RHPN2: variants seen among roughly 807,000 people sequenced by gnomAD.
The protein encoded by RHPN2 is rhophilin-2.
Under a neutral mutation model 79.0 loss-of-function variants are expected in RHPN2, and 40 were observed. That is an observed-to-expected ratio of 0.51 (90% CI 0.39 to 0.66). The LOEUF (loss-of-function observed/expected upper bound fraction) is 0.66. Among genes scored for constraint, RHPN2 ranks in the 30% least tolerant of loss-of-function variants. The pLI is 0.00. For synonymous variants in RHPN2, 285 were observed against 363.5 expected (o/e 0.78, Z 2.46); for missense variants, 686 against 883.5 (o/e 0.78, Z 2.83).
chr19:33,013,149 T>A (rs1325071233), intron 4 of RHPN2, among the ~76,000 whole-genome samples: 1 of 150,402 alleles, frequency 6.6e-6, no homozygotes, highest in African/African-American at 2.5e-5. Flanking sequence ...GTGCTGGGAT[T>A]ACAGATGTCA....
At chr19:33,046,849 A>C (rs1267352821) in intron 1 of RHPN2, among the ~76,000 whole-genome samples, 1 of 150,330 alleles carries the variant, frequency 6.7e-6, no homozygotes, top group Admixed American at 6.6e-5. Context: ...ATCAATTCAG[A>C]TCCTTTGCCC....
chr19:33,000,365 C>T (rs1971739554), intron 9 of RHPN2, among the ~76,000 whole-genome samples: 1 of 151,900 alleles, frequency 6.6e-6, no homozygotes, highest in Admixed American at 6.6e-5. Context: ...GGATTACAGG[C>T]ACATGCCACC....
chr19:33,018,350 A>T (rs1971895108), intron 4 of RHPN2, among the ~76,000 whole-genome samples: 1 of 151,686 alleles, frequency 6.6e-6, no homozygotes, highest in African/African-American at 2.4e-5. Flanking sequence ...AGAGAGAGAG[A>T]GAGAGACAAG....
chr19:33,005,023 C>T (rs62127399), intron 7 of RHPN2, among the ~76,000 whole-genome samples: 1 of 150,910 alleles, frequency 6.6e-6, no homozygotes, highest in Non-Finnish European at 1.5e-5. Context: ...TGCAAGCAGA[C>T]GGCAGGCAGA....
chr19:33,058,705 G>A (rs1000061065), intron 1 of RHPN2, among the ~76,000 whole-genome samples: 4 of 152,114 alleles, frequency 2.6e-5, no homozygotes, highest in African/African-American at 9.7e-5. Context: ...ACTTGAACCC[G>A]GGAGGCGGAG....
intron 6 of RHPN2, among the ~76,000 whole-genome samples, chr19:33,009,252 GACTCTGGGTGA>G (rs1421733229): frequency 6.6e-6 from 1 of 151,810 alleles, no homozygotes. Context: ...GGAAACTATG[GACTCTGGGTGA>G]TAATGATGTG....
intron 14 of RHPN2, among the ~76,000 whole-genome samples, chr19:32,987,483 G>A (rs1174240168): frequency 6.6e-6 from 1 of 152,098 alleles, no homozygotes; most frequent in Non-Finnish European, 1.5e-5. Context: ...CAGCTAAGGC[G>A]ACCTCATTCT....
chr19:33,048,155 A>C (rs73585910), intron 1 of RHPN2, among the ~76,000 whole-genome samples: 1 of 151,522 alleles, frequency 6.6e-6, no homozygotes, highest in Admixed American at 6.6e-5. Context: ...TCCTGGGTTC[A>C]AGTGATTATC....
intron 2 of RHPN2, among the ~76,000 whole-genome samples, chr19:33,032,653 C>A (rs987734890): frequency 6.6e-6 from 1 of 152,208 alleles, no homozygotes; most frequent in African/African-American, 2.4e-5. Context: ...AGGTCACAAT[C>A]TGCAGCTTGT....
At chr19:33,029,721 T>G in intron 2 of RHPN2, among the ~76,000 whole-genome samples, 1 of 151,966 alleles carries the variant, frequency 6.6e-6, no homozygotes, top group East Asian at 1.9e-4. Context: ...CCAAGTTCAG[T>G]GTTAATCTAG....
At chr19:33,011,831 T>C (rs1971837940) in intron 5 of RHPN2, 28 bp from the exon 6 acceptor site, 1 of 1,613,842 alleles carries the variant, frequency 6.2e-7, no homozygotes. Context: ...CAAGAGGGCA[T>C]GAGCAGAGGA....
intron 9 of RHPN2, among the ~76,000 whole-genome samples, chr19:33,001,373 T>TA (rs1971747603): frequency 6.6e-6 from 1 of 151,544 alleles, no homozygotes; most frequent in African/African-American, 2.4e-5. Flanking sequence ...TCCATCTCTA[T>TA]AAAAAAAAAA....
At chr19:33,026,671 G>C (rs1202856517) in intron 2 of RHPN2, 39 bp from the exon 3 acceptor site, 1 of 1,593,798 alleles carries the variant, frequency 6.3e-7, no homozygotes, top group Admixed American at 1.7e-5. Context: ...CCCTCAGCCA[G>C]GTATCCTGGC....
chr19:33,047,399 G>GCTAA, intron 1 of RHPN2, among the ~76,000 whole-genome samples: 1 of 152,194 alleles, frequency 6.6e-6, no homozygotes, highest in South Asian at 2.1e-4. Context: ...AACGCTTCAC[G>GCTAA]CTAAAAGTTT....
rs184839559 is a variant in RHPN2 at position 33,055,410 on chromosome 19, G to A, written c.69+9374C>T. Among the ~76,000 whole-genome samples, 1,154 of 151,684 alleles carry A rather than the reference G, an allele frequency of 7.6e-3. 13 individuals carry two copies. The highest frequency in any genetic ancestry group is 0.027 in the African/African-American group (1,110 of 41,414). The stretch of plus-strand genomic sequence containing the variant: ...AGACCATCATGGGGAATCAGGAGTG[G>A]GGTCAGCATCACCAACCTTTACTCT... On this transcript the variant is annotated intron_variant, in intron 1 of 14. Coordinates refer to ENST00000254260, the MANE Select transcript of RHPN2 (RefSeq NM_033103.5).
intron 7 of RHPN2, among the ~76,000 whole-genome samples, chr19:33,003,436 T>C (rs1322998055): frequency 7.1e-6 from 1 of 141,402 alleles, no homozygotes; most frequent in African/African-American, 2.6e-5. Flanking sequence ...TATTAAAAAA[T>C]TTGATTCTCA....
At chr19:32,989,684 T>C (rs1456843784) in intron 14 of RHPN2, among the ~76,000 whole-genome samples, 1 of 152,242 alleles carries the variant, frequency 6.6e-6, no homozygotes, top group African/African-American at 2.4e-5. Context: ...TTTAAAAGTT[T>C]GCTAGCAGGG....
Position 33,000,032 on chromosome 19 carries a change from G to A in RHPN2, c.1106-327C>T, listed in dbSNP as rs1356952427. Among the ~76,000 whole-genome samples the A allele has an allele frequency of 8.5e-5, 13 of 152,056 alleles. No individual in the cohort carries two copies. In the East Asian group the frequency reaches 2.1e-3, roughly 25 times the overall value. ...TACAGACATGCACCACCACATGCCA[G>A]GCTAATTTTTAAATTTTTTTGTAAA... On this transcript the variant is annotated intron_variant, in intron 9 of 14. Coordinates refer to ENST00000254260, the MANE Select transcript of RHPN2 (RefSeq NM_033103.5).
chr19:33,042,352 G>A (rs2216594), intron 2 of RHPN2, among the ~76,000 whole-genome samples: 80,843 of 152,034 alleles, frequency 0.53, 25,718 homozygotes, highest in African/African-American at 0.87. Context: ...AACATACCAC[G>A]GCCTTCCCAG....
Sources: gnomAD v4.1 joint callset for allele counts (sites outside exome capture counted in the v4.1 genomes callset) on GRCh38, gnomAD v4.1.1 for gene constraint, MANE v1.5 for transcripts, NCBI Gene and HGNC (gene_info 2026-07-23, HGNC 2026-07-21) for gene names.